The following ANGPT1 variants were observed in gnomAD, a reference collection of about 807,000 sequenced individuals.
The protein encoded by ANGPT1 is angiopoietin-1.
A neutral mutation model predicts 62.2 loss-of-function variants in ANGPT1; 17 were observed. The ratio of observed to expected loss-of-function variants is 0.27; its 90% CI spans 0.19 to 0.41. The LOEUF (loss-of-function observed/expected upper bound fraction) is 0.41, where lower values mean the gene tolerates loss of function less well. ANGPT1 is among the 10% of genes least tolerant of loss of function. The pLI is 1.00. For missense variants in ANGPT1, 478 were observed against 594.9 expected, an observed-to-expected ratio of 0.80 and a Z score of 2.04; for synonymous variants, 199 against 198.9, an observed-to-expected ratio of 1.00 and a Z score of 0.00.
Position 107,251,736 on chromosome 8 carries a change from C to T in ANGPT1, c.*119G>A, listed in dbSNP as rs190403858. On this transcript the variant is annotated 3_prime_UTR_variant, in exon 9 of 9. Coordinates refer to ENST00000517746, the MANE Select transcript of ANGPT1 (RefSeq NM_001146.5). ...GAACCTTGGTGACTTCACATAACTACCACTTATTGCTGGAAGGGAGACAAT... is the reference window on the plus strand; with the variant it reads ...GAACCTTGGTGACTTCACATAACTATCACTTATTGCTGGAAGGGAGACAAT... 2.4e-6 allele frequency: 3 copies of T among 1,266,794 alleles called. No homozygotes were observed. Among genetic ancestry groups the T allele is most frequent in the Non-Finnish European group, 3.3e-6 (3 of 916,950 alleles). 78.5% of individuals were successfully genotyped at this position (1,266,794 alleles called of 1,614,324 possible).
At chr8:107,483,271 G>C (rs1456573273) in intron 1 of ANGPT1, among the ~76,000 whole-genome samples, 2 of 152,092 alleles carry the variant, frequency 1.3e-5, no homozygotes, top group Non-Finnish European at 2.9e-5. Context: ...AAACATAACA[G>C]TCATAAAATA....
intron 7 of ANGPT1, among the ~76,000 whole-genome samples, chr8:107,273,254 G>A (rs941317379): frequency 6.6e-6 from 1 of 152,048 alleles, no homozygotes. Flanking sequence ...TTCCCTTGGG[G>A]TAGATAGAGA....
chr8:107,384,713 G>T (rs1178838527), intron 1 of ANGPT1, among the ~76,000 whole-genome samples: 1 of 152,090 alleles, frequency 6.6e-6, no homozygotes, highest in Non-Finnish European at 1.5e-5. Context: ...CCAATGTCCA[G>T]AGTGGTATTT....
chr8:107,385,019 C>T (rs764394116), intron 1 of ANGPT1, among the ~76,000 whole-genome samples: 1 of 152,032 alleles, frequency 6.6e-6, no homozygotes, highest in South Asian at 2.1e-4. Context: ...GTTACTGTAG[C>T]CTTGCAGTAT....
intron 1 of ANGPT1, among the ~76,000 whole-genome samples, chr8:107,378,296 A>G (rs1816568187): frequency 6.6e-6 from 1 of 152,208 alleles, no homozygotes; most frequent in South Asian, 2.1e-4. Context: ...ATGTCTATTC[A>G]CATTTTTCAA....
chr8:107,285,244 T>C (rs1434217548), intron 6 of ANGPT1, among the ~76,000 whole-genome samples: 2 of 152,176 alleles, frequency 1.3e-5, no homozygotes, highest in Admixed American at 1.3e-4. Flanking sequence ...AGAGTGATAT[T>C]AGACAAGTTA....
intron 1 of ANGPT1, among the ~76,000 whole-genome samples, chr8:107,428,983 G>A (rs1371619850): frequency 6.6e-6 from 1 of 152,022 alleles, no homozygotes; most frequent in Non-Finnish European, 1.5e-5. Context: ...AATTCTTTTG[G>A]ACAAGAGGGT....
At chr8:107,436,934 T>C (rs1811350054) in intron 1 of ANGPT1, among the ~76,000 whole-genome samples, 1 of 152,228 alleles carries the variant, frequency 6.6e-6, no homozygotes, top group Non-Finnish European at 1.5e-5. Context: ...AATTATATGC[T>C]AGTATATTTA....
At chr8:107,360,340 C>T (rs1255043846) in intron 1 of ANGPT1, among the ~76,000 whole-genome samples, 3 of 152,108 alleles carry the variant, frequency 2.0e-5, no homozygotes, top group Non-Finnish European at 4.4e-5. Context: ...TGGTTACCAT[C>T]TCAGACCAAT....
chr8:107,320,427 GGAT>G (rs1563567344), intron 4 of ANGPT1, among the ~76,000 whole-genome samples: 1 of 152,126 alleles, frequency 6.6e-6, no homozygotes, highest in Non-Finnish European at 1.5e-5. Context: ...TTAAGTCTTA[GGAT>G]GATAAGAAAA....
At chr8:107,324,885 G>A (rs897316923) in intron 3 of ANGPT1, among the ~76,000 whole-genome samples, 1 of 152,168 alleles carries the variant, frequency 6.6e-6, no homozygotes, top group African/African-American at 2.4e-5. Context: ...AATACCAAGA[G>A]AGAAAGGAGC....
At chr8:107,455,088 C>A (rs1452587061) in intron 1 of ANGPT1, among the ~76,000 whole-genome samples, 6 of 152,016 alleles carry the variant, frequency 3.9e-5, no homozygotes, top group Admixed American at 1.3e-4. Context: ...TGCTACCTTA[C>A]TTTGCAGTCT....
chr8:107,336,344 G>C, intron 2 of ANGPT1, 73 bp from the exon 3 acceptor site: 3 of 1,506,596 alleles, frequency 2.0e-6, no homozygotes, highest in Non-Finnish European at 2.6e-6. Flanking sequence ...TTATTTTGTC[G>C]TTAAATATTT....
chr8:107,491,668 T>C (rs1812960587), intron 1 of ANGPT1, among the ~76,000 whole-genome samples: 1 of 152,116 alleles, frequency 6.6e-6, no homozygotes, highest in Non-Finnish European at 1.5e-5. Flanking sequence ...CCAATGTCAC[T>C]TGAGTGTCTG....
At chr8:107,365,616 T>C (rs907909673) in intron 1 of ANGPT1, among the ~76,000 whole-genome samples, 3 of 152,136 alleles carry the variant, frequency 2.0e-5, no homozygotes, top group Non-Finnish European at 4.4e-5. Context: ...CCATGAGCAT[T>C]GGGATTTCGT....
rs979288025 is a variant in ANGPT1, at chr8:107,401,769, A to G, written c.298-54672T>C. ...CACTGCAACAAACATATATGTTTAT[A>G]TGGATATAAGATGTGTGATGTTTTT... is the stretch of plus-strand genomic sequence containing the variant. On this transcript the variant is annotated intron_variant, in intron 1 of 8. Coordinates refer to ENST00000517746, the MANE Select transcript of ANGPT1 (RefSeq NM_001146.5). 4.5e-4 allele frequency among the ~76,000 whole-genome samples: 68 copies of G among 152,224 alleles called. 1 individual carries two copies. The highest frequency in any genetic ancestry group is 1.6e-3 in the African/African-American group (65 of 41,460).
chr8:107,344,121 A>G (rs2130148625), intron 2 of ANGPT1, among the ~76,000 whole-genome samples: 1 of 152,278 alleles, frequency 6.6e-6, no homozygotes, highest in South Asian at 2.1e-4. Context: ...TACCTTATAG[A>G]ATTCATTATT....
At chr8:107,279,719 GAACA>G (rs1375221725) in intron 7 of ANGPT1, among the ~76,000 whole-genome samples, 1 of 150,392 alleles carries the variant, frequency 6.6e-6, no homozygotes, top group Non-Finnish European at 1.5e-5. Flanking sequence ...TAAAAGCTTA[GAACA>G]CACACACATA....
chr8:107,322,707 GA>G lies in ANGPT1; in HGVS notation c.576-580del, dbSNP rs755949512. Reference sequence around the variant, plus strand: ...GTTTATGTACAATGACATTAAGAAAGAAAAAAATCTCTTATTTTGAAACTGT... The same window carrying G: ...GTTTATGTACAATGACATTAAGAAAGAAAAAATCTCTTATTTTGAAACTGT... On this transcript the variant is annotated intron_variant, in intron 3 of 8. Transcript: ENST00000517746. The G allele has an allele frequency of 1.5e-4, 48 of 318,698 alleles. 1 individual carries two copies. Among genetic ancestry groups the G allele is most frequent in the South Asian group, 6.3e-4 (23 of 36,582 alleles). 19.7% of individuals were successfully genotyped at this position (318,698 alleles called of 1,614,324 possible).
Sources: gnomAD v4.1 joint callset for allele counts (sites outside exome capture counted in the v4.1 genomes callset) on GRCh38, gnomAD v4.1.1 for gene constraint, MANE v1.5 for transcripts, NCBI Gene and HGNC (gene_info 2026-07-23, HGNC 2026-07-21) for gene names.